LRP1B: variants seen among roughly 807,000 people sequenced by gnomAD.
The protein encoded by LRP1B is LDL receptor related protein 1B.
LRP1B carries 217 observed loss-of-function variants against 556.6 expected under a neutral mutation model. The observed-to-expected ratio is 0.39, with a 90% CI of 0.35 to 0.44. The LOEUF (loss-of-function observed/expected upper bound fraction) is 0.44. Ranked by LOEUF, LRP1B falls within the 20% of genes least tolerant of loss-of-function variation. LRP1B has a pLI of 1.00. For synonymous variants in LRP1B, 2,047 were observed against 1,865.8 expected, an observed-to-expected ratio of 1.10 and a Z score of -2.50; for missense variants, 5,053 against 5,620.8, an observed-to-expected ratio of 0.90 and a Z score of 3.23.
chr2:141,162,790 CAAA>C (rs1558903082), intron 7 of LRP1B, among the ~76,000 whole-genome samples: 1 of 152,094 alleles, frequency 6.6e-6, no homozygotes, highest in African/African-American at 2.4e-5. Flanking sequence ...GTGAAGTTCA[CAAA>C]ATATATTAAC....
chr2:141,025,953 G>A (rs1214816856), intron 11 of LRP1B, among the ~76,000 whole-genome samples: 1 of 151,942 alleles, frequency 6.6e-6, no homozygotes, highest in Non-Finnish European at 1.5e-5. Context: ...ATACGCAAGG[G>A]GCATATAGAT....
chr2:140,690,615 T>C (rs576345253), intron 41 of LRP1B, among the ~76,000 whole-genome samples: 10 of 152,304 alleles, frequency 6.6e-5, no homozygotes, highest in South Asian at 4.1e-4. Context: ...CTGAAACTAA[T>C]TTATAGCTTG....
intron 6 of LRP1B, among the ~76,000 whole-genome samples, chr2:141,224,638 C>T (rs565219330): frequency 6.6e-6 from 1 of 152,122 alleles, no homozygotes; most frequent in East Asian, 1.9e-4. Flanking sequence ...ACTATGCGGC[C>T]ATAAAAAAGA....
chr2:141,730,220 G>A (rs987846257), intron 2 of LRP1B, among the ~76,000 whole-genome samples: 9 of 152,182 alleles, frequency 5.9e-5, no homozygotes, highest in Admixed American at 3.9e-4. Context: ...AAGAGACGGA[G>A]AAGAGGGAGT....
chr2:141,015,219 T>G (rs1457880900), intron 13 of LRP1B, among the ~76,000 whole-genome samples: 1 of 152,104 alleles, frequency 6.6e-6, no homozygotes, highest in Non-Finnish European at 1.5e-5. Context: ...AAGAGGAAAC[T>G]GATACCTCTT....
chr2:141,896,738 C>T (rs898923772), intron 1 of LRP1B, among the ~76,000 whole-genome samples: 2 of 151,940 alleles, frequency 1.3e-5, no homozygotes, highest in Non-Finnish European at 2.9e-5. Context: ...TAAAAATTAT[C>T]ATAGTGAATT....
chr2:141,319,307 G>GTT lies in LRP1B; in HGVS notation c.344-64668_344-64667dup, dbSNP rs1370500448. Among the ~76,000 whole-genome samples, 35 of 88,792 alleles carry GTT rather than the reference G, an allele frequency of 3.9e-4. 3 individuals carry two copies. Among genetic ancestry groups the GTT allele is most frequent in the African/African-American group, 1.5e-3 (31 of 20,964 alleles). 58.3% of individuals were successfully genotyped at this position (88,792 alleles called of 152,430 possible). A position where few individuals can be genotyped will look rare whatever the true frequency, so the allele number is the denominator to read the frequency against. On this transcript the variant is annotated intron_variant, in intron 3 of 90. Transcript: ENST00000389484. ...AGTCTCTAAAAAGCAGTGTTTTTTTGTTGTTTTTTTTTTTTTTCCTACTCT... is the reference window on the plus strand; with the variant it reads ...AGTCTCTAAAAAGCAGTGTTTTTTTGTTTTGTTTTTTTTTTTTTTCCTACTCT...
At chr2:140,595,872 T>C (rs569367950) in intron 43 of LRP1B, among the ~76,000 whole-genome samples, 1 of 152,286 alleles carries the variant, frequency 6.6e-6, no homozygotes, top group African/African-American at 2.4e-5. Context: ...AAAAGTATAA[T>C]TTTTAAAGAA....
At chr2:141,189,561 A>G (rs373191434) in intron 6 of LRP1B, among the ~76,000 whole-genome samples, 10 of 152,102 alleles carry the variant, frequency 6.6e-5, no homozygotes, top group Admixed American at 2.0e-4. Context: ...CTGAATCTGT[A>G]CTACTGGGTT....
intron 2 of LRP1B, among the ~76,000 whole-genome samples, chr2:141,778,743 C>T (rs1017991608): frequency 2.0e-5 from 3 of 152,238 alleles, no homozygotes; most frequent in Non-Finnish European, 4.4e-5. Context: ...CTTCCTTGCT[C>T]TAGCAGCCTT....
chr2:141,516,878 G>A (rs1400428688), intron 2 of LRP1B, among the ~76,000 whole-genome samples: 1 of 150,586 alleles, frequency 6.6e-6, no homozygotes, highest in Non-Finnish European at 1.5e-5. Flanking sequence ...TTGAATTTTT[G>A]GAGAGATGGA....
chr2:141,152,913 T>C (rs1208223480), intron 7 of LRP1B, among the ~76,000 whole-genome samples: 1 of 151,348 alleles, frequency 6.6e-6, no homozygotes, highest in Non-Finnish European at 1.5e-5. Context: ...ATTTAATATA[T>C]TCTTTGTAGA....
At chr2:141,964,772 A>G (rs1253027051) in intron 1 of LRP1B, among the ~76,000 whole-genome samples, 13 of 152,100 alleles carry the variant, frequency 8.5e-5, no homozygotes, top group Admixed American at 2.6e-4. Context: ...AAGAGCTTCT[A>G]CACAGCAAAA....
At chr2:141,464,606 A>ATATTTTTTTTTTTTTT in intron 3 of LRP1B, among the ~76,000 whole-genome samples, 1 of 90,560 alleles carries the variant, frequency 1.1e-5, no homozygotes. Flanking sequence ...ATATATATAT[A>ATATTTTTTTTTTTTTT]TTTTTTTAGT....
At chr2:141,216,672 C>A (rs1682828503) in intron 6 of LRP1B, among the ~76,000 whole-genome samples, 1 of 152,186 alleles carries the variant, frequency 6.6e-6, no homozygotes, top group Non-Finnish European at 1.5e-5. Context: ...GCTTTGGGAG[C>A]TTACTCCTTG....
intron 43 of LRP1B, among the ~76,000 whole-genome samples, chr2:140,568,926 C>T (rs1206685903): frequency 6.6e-6 from 1 of 151,962 alleles, no homozygotes; most frequent in African/African-American, 2.4e-5. Flanking sequence ...TCAAATATTT[C>T]CCAGACAAGT....
chr2:140,849,989 C>CATGCTCTAA, intron 29 of LRP1B, 113 bp downstream of exon 29: 1 of 696,096 alleles, frequency 1.4e-6, no homozygotes, highest in South Asian at 1.9e-5. Context: ...TCAATTCTAA[C>CATGCTCTAA]TTTCAATTAA....
intron 49 of LRP1B, among the ~76,000 whole-genome samples, chr2:140,524,009 A>G (rs976657132): frequency 1.3e-5 from 2 of 151,928 alleles, no homozygotes; most frequent in African/African-American, 4.8e-5. Flanking sequence ...GCACGACAAC[A>G]ACAAAAAAAC....
intron 2 of LRP1B, among the ~76,000 whole-genome samples, chr2:141,602,980 A>G (rs984246948): frequency 1.3e-5 from 2 of 152,212 alleles, no homozygotes; most frequent in Non-Finnish European, 2.9e-5. Context: ...GTATTTTAAA[A>G]TGCATTGTTA....
Sources: gnomAD v4.1 joint callset for allele counts (sites outside exome capture counted in the v4.1 genomes callset) on GRCh38, gnomAD v4.1.1 for gene constraint, MANE v1.5 for transcripts, NCBI Gene and HGNC (gene_info 2026-07-23, HGNC 2026-07-21) for gene names.